Variants in ZNF142 observed in about 807,000 individuals in gnomAD.
ZNF142 encodes the protein zinc finger protein 142 (clone pHZ-49).
A neutral mutation model predicts 132.1 loss-of-function variants in ZNF142; 96 were observed. The observed-to-expected ratio is 0.73, with a 90% CI of 0.62 to 0.86. The LOEUF (loss-of-function observed/expected upper bound fraction) is 0.86, where lower values mean the gene tolerates loss of function less well. ZNF142 is among the 40% of genes least tolerant of loss of function. The probability of loss-of-function intolerance (pLI) is 0.00; values close to 1 mark genes in which losing one functional copy is unlikely to be tolerated. For synonymous variants in ZNF142, 842 were observed against 890.1 expected, an observed-to-expected ratio of 0.95 and a Z score of 0.96; for missense variants, 2,163 against 2,336.2, an observed-to-expected ratio of 0.93 and a Z score of 1.53.
At chr2:218,647,211 C>G (rs1034353880) in intron 7 of ZNF142, among the ~76,000 whole-genome samples, 2 of 151,788 alleles carry the variant, frequency 1.3e-5, no homozygotes, top group Non-Finnish European at 2.9e-5. Context: ...ATCATGAGGT[C>G]AGGAGATCGA....
At position 218,642,577 on chromosome 2, in the gene ZNF142, T is replaced by C. The variant is rs756301447; in HGVS notation, c.4539A>G (p.Ala1513=). ...QHALRRHPEP[A]QPAPGSPAET... is the part of the protein sequence containing the mutation. ...CTGCAGGAGAGCCAGGGGCAGGCTG[T>C]GCAGGCTCGGGGTGTCGGCGCAGAG... Residue 1513 remains alanine, a synonymous_variant, in exon 9 of 11, where the codon GCA becomes GCG. Coordinates refer to ENST00000411696, the MANE Select transcript of ZNF142 (RefSeq NM_001379659.1). The surrounding 1 kb of genome is among the most constrained non-coding windows in gnomAD (Gnocchi z 4.6). 5.6e-6 allele frequency: 9 copies of C among 1,613,390 alleles called. No individual in the cohort carries two copies. In the South Asian group the frequency reaches 9.9e-5, roughly 18 times the overall value.
Position 218,634,106 on chromosome 2 carries a change from C to A in ZNF142, c.*4233G>T. On this transcript the variant is annotated 3_prime_UTR_variant, in exon 11 of 11. Coordinates refer to ENST00000411696, the MANE Select transcript of ZNF142 (RefSeq NM_001379659.1). The surrounding 1 kb of genome is among the most constrained non-coding windows in gnomAD (Gnocchi z 4.0). ...CTCCCTCTCTATACCCTTTTACAGG[C>A]AATGAGTTTGTGCAGCACAATACTT... 1 of 1,607,990 alleles carries A rather than the reference C, an allele frequency of 6.2e-7. No homozygotes were observed. The highest frequency in any genetic ancestry group is 1.3e-5 in the African/African-American group (1 of 74,920).
Position 218,656,147 on chromosome 2 carries a change from TACCTGGGGTCTCTCCAGGAGC to T in ZNF142, c.262_280+2del, listed in dbSNP as rs761919291. On this transcript the variant is annotated splice_donor_variant and coding_sequence_variant, in exon 4 of 11. Coordinates refer to ENST00000411696, the MANE Select transcript of ZNF142 (RefSeq NM_001379659.1). LOFTEE classifies it high-confidence loss of function. ...ACTGGCCTGCTTGCAACTGTGTTTG[TACCTGGGGTCTCTCCAGGAGC>T]ACCTGGGGTCAGGGTTCCAGCTACT... 2 of 1,562,156 alleles carry T rather than the reference TACCTGGGGTCTCTCCAGGAGC, an allele frequency of 1.3e-6. No homozygotes were observed. Among genetic ancestry groups the T allele is most frequent in the East Asian group, 2.3e-5 (1 of 43,820 alleles).
Position 218,634,309 on chromosome 2 carries a change from C to T in ZNF142, c.*4030G>A, listed in dbSNP as rs1421058096. 1 of 1,570,802 alleles carries T rather than the reference C, an allele frequency of 6.4e-7. No homozygotes were observed. Among genetic ancestry groups the T allele is most frequent in the Non-Finnish European group, 8.6e-7 (1 of 1,157,912 alleles). Reference sequence around the variant, plus strand: ...CTAGTGATGGTAGGGTTGGGGAATGCTCAAGAAAATTGCTAGGCTGAGAAA... The same window carrying T: ...CTAGTGATGGTAGGGTTGGGGAATGTTCAAGAAAATTGCTAGGCTGAGAAA... On this transcript the variant is annotated 3_prime_UTR_variant, in exon 11 of 11. Coordinates refer to ENST00000411696, the MANE Select transcript of ZNF142 (RefSeq NM_001379659.1). This position sits in a 1 kb window ranked among gnomAD's most constrained non-coding sequence, Gnocchi z 4.0.
intron 5 of ZNF142, 79 bp from the exon 6 acceptor site, chr2:218,650,605 T>C: frequency 7.4e-7 from 1 of 1,349,264 alleles, no homozygotes; most frequent in Non-Finnish European, 9.9e-7. Context: ...ACCTACTGGC[T>C]GAAATAATCA....
intron 4 of ZNF142, among the ~76,000 whole-genome samples, chr2:218,653,226 G>C (rs6743233): frequency 0.61 from 92,013 of 150,062 alleles, 28,455 homozygotes; most frequent in East Asian, 0.82. Flanking sequence ...GTTGCAGTGA[G>C]CCGAGATTGC....
chr2:218,650,478 G>A lies in ZNF142; in HGVS notation c.929C>T (p.Thr310Ile), dbSNP rs1162911851. The A allele has an allele frequency of 6.2e-6, 10 of 1,610,448 alleles. No individual in the cohort carries two copies. Among genetic ancestry groups the A allele is most frequent in the Non-Finnish European group, 7.6e-6 (9 of 1,178,382 alleles). ...GEREPSQEAG[T>I]PLPGQETAEE... ...AGCTGTCTCCTGCCCAGGCAAGGGT[G>A]TACCTGCTTCCTGTGAAGGTTCTCT... Residue 310 changes from threonine to isoleucine, a missense_variant, in exon 6 of 11, where the codon ACA becomes ATA. Physicochemically the swap from Thr to Ile is moderately conservative, Grantham distance 89. Around this residue, in one of 7 missense-constraint regions of ZNF142, gnomAD observed 749 missense variants for 830.3 expected, o/e 0.90. Coordinates refer to ENST00000411696, the MANE Select transcript of ZNF142 (RefSeq NM_001379659.1).
At position 218,636,162 on chromosome 2, in the gene ZNF142, T is replaced by C; in HGVS notation, c.*2177A>G. On this transcript the variant is annotated 3_prime_UTR_variant, in exon 11 of 11. Coordinates refer to ENST00000411696, the MANE Select transcript of ZNF142 (RefSeq NM_001379659.1). The stretch of plus-strand genomic sequence containing the variant: ...TGTAAAATGCTGATTGCCATCTAGA[T>C]TAAATGAGAACACAAGAAAAGCAAC... 6.7e-7 allele frequency: 1 copy of C among 1,484,616 alleles called. No homozygotes were observed. Among genetic ancestry groups the C allele is most frequent in the Non-Finnish European group, 9.3e-7 (1 of 1,070,562 alleles). The allele number at this position is 1,484,616 out of a possible 1,614,324, so 92.0% of individuals were successfully genotyped here. A position where few individuals can be genotyped will look rare whatever the true frequency, so the allele number is the denominator to read the frequency against.
chr2:218,636,431 T>C lies in ZNF142; in HGVS notation c.*1908A>G, dbSNP rs187195827. ...TTTGGCCCCTGGCCAATACCCCAGCTCTGGCTGCCTTCCTAATGCTGTCCT... is the reference window on the plus strand; with the variant it reads ...TTTGGCCCCTGGCCAATACCCCAGCCCTGGCTGCCTTCCTAATGCTGTCCT... On this transcript the variant is annotated 3_prime_UTR_variant, in exon 11 of 11. Transcript: ENST00000411696. The C allele has an allele frequency of 6.2e-6, 10 of 1,613,956 alleles. No individual in the cohort carries two copies. The Admixed American group carries it at 1.0e-4, about 16-fold the overall frequency.
At position 218,641,021 on chromosome 2, in the gene ZNF142, A is replaced by G. The variant is rs372544296; in HGVS notation, c.5089-252T>C. On this transcript the variant is annotated intron_variant, in intron 9 of 10. Coordinates refer to ENST00000411696, the MANE Select transcript of ZNF142 (RefSeq NM_001379659.1). Reference sequence around the variant, plus strand: ...GTGATCACAGCTCTCTGCAGCCTTAACCTCCTGGGCTAAAGCGATCCTCCC... The same window carrying G: ...GTGATCACAGCTCTCTGCAGCCTTAGCCTCCTGGGCTAAAGCGATCCTCCC... 1.2e-4 allele frequency among the ~76,000 whole-genome samples: 18 copies of G among 150,868 alleles called. No homozygotes were observed. In the East Asian group the frequency reaches 1.6e-3, roughly 13 times the overall value.
intron 4 of ZNF142, among the ~76,000 whole-genome samples, chr2:218,653,077 G>A (rs1021616679): frequency 6.6e-6 from 1 of 151,936 alleles, no homozygotes; most frequent in African/African-American, 2.4e-5. Flanking sequence ...TCAGGAGATC[G>A]AGACCATCCT....
In ZNF142 at chr2:218,644,248, G is replaced by C; in HGVS notation, c.2868C>G (p.Pro956=). 1 of 1,614,054 alleles carries C rather than the reference G, an allele frequency of 6.2e-7. No individual in the cohort carries two copies. The highest frequency in any genetic ancestry group is 2.2e-5 in the East Asian group (1 of 44,868). ...GCTCAGACACTGGCTTTTCCAGAAG[G>C]GGATTTTCTTCAGCACTCAAGTCAG... ...GTSDLSAEEN[P]LLEKPVSEPS... is the part of the protein sequence containing the mutation. The change falls in exon 9 of 11, where the codon CCC becomes CCG. Residue 956 remains proline, a synonymous_variant. Coordinates refer to ENST00000411696, the MANE Select transcript of ZNF142 (RefSeq NM_001379659.1). This position sits in a 1 kb window ranked among gnomAD's most constrained non-coding sequence, Gnocchi z 4.6.
rs1389083568 is a variant in ZNF142, at chr2:218,644,269, G to A, written c.2847C>T (p.Asp949=). ...GAAGGGGATTTTCTTCAGCACTCAAGTCAGAAGTCCCAATACCTTCAAAGC... is the reference window on the plus strand; with the variant it reads ...GAAGGGGATTTTCTTCAGCACTCAAATCAGAAGTCCCAATACCTTCAAAGC... ...LSSFEGIGTS[D]LSAEENPLLE... Residue 949 remains aspartate (D), a synonymous_variant, in exon 9 of 11, where the codon GAC becomes GAT. Coordinates refer to ENST00000411696, the MANE Select transcript of ZNF142 (RefSeq NM_001379659.1). This position sits in a 1 kb window ranked among gnomAD's most constrained non-coding sequence, Gnocchi z 4.6. 1 of 1,613,998 alleles carries A rather than the reference G, an allele frequency of 6.2e-7. No individual in the cohort carries two copies. The highest frequency in any genetic ancestry group is 1.7e-5 in the Admixed American group (1 of 60,004).
At position 218,635,911 on chromosome 2, in the gene ZNF142, C is replaced by T; in HGVS notation, c.*2428G>A. 1 of 1,613,936 alleles carries T rather than the reference C, an allele frequency of 6.2e-7. No homozygotes were observed. The highest frequency in any genetic ancestry group is 8.5e-7 in the Non-Finnish European group (1 of 1,179,880). On this transcript the variant is annotated 3_prime_UTR_variant, in exon 11 of 11. Coordinates refer to ENST00000411696, the MANE Select transcript of ZNF142 (RefSeq NM_001379659.1). ...CGTCTAGACACAGCACGGCAGGAGA[C>T]CAACTATGTGGAGAACAATGGTGAG...
At chr2:218,641,891 G>A in intron 9 of ZNF142, 137 bp downstream of exon 9, 1 of 1,141,050 alleles carries the variant, frequency 8.8e-7, no homozygotes, top group Non-Finnish European at 1.2e-6. Context: ...AACAGATGAA[G>A]AATCTGAGGC....
chr2:218,646,088 T>G (rs879021032), intron 8 of ZNF142, 83 bp downstream of exon 8: 3 of 1,540,826 alleles, frequency 1.9e-6, no homozygotes, highest in African/African-American at 1.4e-5. Context: ...GAGAAAGAAA[T>G]AGGGCCAGAA....
Position 218,634,053 on chromosome 2 carries a change from G to A in ZNF142, c.*4286C>T. On this transcript the variant is annotated 3_prime_UTR_variant, in exon 11 of 11. Transcript: ENST00000411696. This position sits in a 1 kb window ranked among gnomAD's most constrained non-coding sequence, Gnocchi z 4.0. ...AGTAGGCATGGTCCTTGGGACTAGG[G>A]AAGTGGGAGATTCCACCCCACTTCC... 1 of 1,558,354 alleles carries A rather than the reference G, an allele frequency of 6.4e-7. No homozygotes were observed.
chr2:218,656,110 G>C, intron 4 of ZNF142, 40 bp downstream of exon 4: 3 of 1,461,784 alleles, frequency 2.1e-6, no homozygotes, highest in Non-Finnish European at 2.7e-6. Context: ...AAACCTCAGA[G>C]CTGCTTGTCC....
intron 8 of ZNF142, among the ~76,000 whole-genome samples, chr2:218,645,943 G>A (rs941757925): frequency 6.6e-6 from 1 of 152,176 alleles, no homozygotes; most frequent in African/African-American, 2.4e-5. Flanking sequence ...TGTAGTTTTA[G>A]TAGAGATGGG....
Sources: allele counts gnomAD v4.1 joint callset (sites outside exome capture counted in the v4.1 genomes callset), GRCh38; gene constraint gnomAD v4.1.1; regional missense constraint gnomAD v4.1.1; non-coding constraint Gnocchi (gnomAD v3.1); transcripts MANE v1.5; gene names NCBI Gene and HGNC (gene_info 2026-07-23, HGNC 2026-07-21).